RFX2: variants seen among roughly 807,000 people sequenced by gnomAD.
The protein encoded by RFX2 is DNA-binding protein RFX2.
RFX2 carries 20 observed loss-of-function variants against 87.8 expected under a neutral mutation model. The ratio of observed to expected loss-of-function variants is 0.23; its 90% CI spans 0.16 to 0.33. The LOEUF (loss-of-function observed/expected upper bound fraction) is 0.33, where lower values mean the gene tolerates loss of function less well. Ranked by LOEUF, RFX2 falls within the 10% of genes least tolerant of loss-of-function variation. The pLI is 1.00. For missense variants in RFX2, 767 were observed against 1,012.3 expected (o/e 0.76, Z 3.29); for synonymous variants, 397 against 431.3 (o/e 0.92, Z 0.98).
Position 6,022,634 on chromosome 19 carries a change from C to T in RFX2, c.597+3529G>A, listed in dbSNP as rs114791693. Among the ~76,000 whole-genome samples the T allele has an allele frequency of 3.9e-3, 601 of 152,348 alleles. 10 individuals are homozygous for T. The highest frequency in any genetic ancestry group is 0.025 in the Admixed American group (382 of 15,304). ...CATGTTTCATCCCCAGCCCCGGCTCCGTCCCCTTCCCTCTGGAAGAGCTAA... is the reference window on the plus strand; with the variant it reads ...CATGTTTCATCCCCAGCCCCGGCTCTGTCCCCTTCCCTCTGGAAGAGCTAA... On this transcript the variant is annotated intron_variant, in intron 6 of 17. Transcript: ENST00000303657. The surrounding 1 kb of genome is among the most constrained non-coding windows in gnomAD (Gnocchi z 6.2).
At position 6,101,827 on chromosome 19, in the gene RFX2, A is replaced by C. The variant is rs1163307438; in HGVS notation, c.-9+8566T>G. On this transcript the variant is annotated intron_variant, in intron 1 of 17. Transcript: ENST00000303657. The surrounding 1 kb of genome is among the most constrained non-coding windows in gnomAD (Gnocchi z 4.9). ...TGTCCAGGTTCTCCCTCTACCTAAG[A>C]GTCCCTTTGAGATCTCTGCTTAGCA... is the stretch of plus-strand genomic sequence containing the variant. Among the ~76,000 whole-genome samples, 1 of 152,164 alleles carries C rather than the reference A, an allele frequency of 6.6e-6. No homozygotes were observed. The highest frequency in any genetic ancestry group is 1.5e-5 in the Non-Finnish European group (1 of 68,046).
rs1599835898 is a variant in RFX2 at position 5,999,249 on chromosome 19, T to C, written c.1860-2036A>G. On this transcript the variant is annotated intron_variant, in intron 15 of 17. Transcript: ENST00000303657. The surrounding 1 kb of genome is among the most constrained non-coding windows in gnomAD (Gnocchi z 4.1). ...CCAGCCTGGTGACAGAGCGAGACTCTGTCTCAAAAAACAAGCAAACAAGAG... is the reference window on the plus strand; with the variant it reads ...CCAGCCTGGTGACAGAGCGAGACTCCGTCTCAAAAAACAAGCAAACAAGAG... Among the ~76,000 whole-genome samples, 2 of 152,250 alleles carry C rather than the reference T, an allele frequency of 1.3e-5. No individual in the cohort carries two copies. Among genetic ancestry groups the C allele is most frequent in the South Asian group, 2.1e-4 (1 of 4,818 alleles).
At position 6,010,003 on chromosome 19, in the gene RFX2, T is replaced by C; in HGVS notation, c.1015+133A>G. 1.9e-6 allele frequency: 1 copy of C among 517,550 alleles called. No homozygotes were observed. The highest frequency in any genetic ancestry group is 3.4e-6 in the Non-Finnish European group (1 of 292,372). The allele number at this position is 517,550 out of a possible 1,614,324, so 32.1% of individuals were successfully genotyped here. A position where few individuals can be genotyped will look rare whatever the true frequency, so the allele number is the denominator to read the frequency against. On this transcript the variant is annotated intron_variant, in intron 9 of 17. Coordinates refer to ENST00000303657, the MANE Select transcript of RFX2 (RefSeq NM_000635.4). This position sits in a 1 kb window ranked among gnomAD's most constrained non-coding sequence, Gnocchi z 5.0. The stretch of plus-strand genomic sequence containing the variant: ...GAAGGTTTATCGAAAACTTTCTATT[T>C]GTCCGAAAAGGTGTCTCGTAAGAAA...
intron 5 of RFX2, among the ~76,000 whole-genome samples, chr19:6,037,289 G>GAAA (rs57278741): frequency 3.9e-5 from 4 of 102,412 alleles, no homozygotes; most frequent in Non-Finnish European, 4.2e-5. Flanking sequence ...GTCTCAAAAA[G>GAAA]AAAAAAAAAA....
intron 1 of RFX2, among the ~76,000 whole-genome samples, chr19:6,105,917 G>C (rs1052082647): frequency 1.3e-5 from 2 of 152,114 alleles, no homozygotes; most frequent in African/African-American, 4.8e-5. Context: ...TAAGTTTAAG[G>C]TGCCTGTCAG....
At chr19:6,065,064 T>A (rs2087490472) in intron 1 of RFX2, among the ~76,000 whole-genome samples, 1 of 152,226 alleles carries the variant, frequency 6.6e-6, no homozygotes, top group Non-Finnish European at 1.5e-5. Context: ...AAAAAAATTT[T>A]AAATGAGGCT....
rs527274464 is a variant in RFX2, at chr19:6,087,216, T to C, written c.-9+23177A>G. ...GATAGACAGGGCGACAGGCATAACC[T>C]TCACAGGGGCGAAGCGAGACGCACA... is the stretch of plus-strand genomic sequence containing the variant. On this transcript the variant is annotated intron_variant, in intron 1 of 17. Coordinates refer to ENST00000303657, the MANE Select transcript of RFX2 (RefSeq NM_000635.4). Among the ~76,000 whole-genome samples, 23 of 152,216 alleles carry C rather than the reference T, an allele frequency of 1.5e-4. No individual in the cohort carries two copies. In the East Asian group the frequency reaches 4.4e-3, roughly 29 times the overall value.
In RFX2 at chr19:6,004,140, G is replaced by A. The variant is rs1017789372; in HGVS notation, c.1500+61C>T. Reference sequence around the variant, plus strand: ...TCTGGGACACAGTGGTCCTCATGCTGTCCTGGACTGGAGCCCCTCCCAGCC... The same window carrying A: ...TCTGGGACACAGTGGTCCTCATGCTATCCTGGACTGGAGCCCCTCCCAGCC... On this transcript the variant is annotated intron_variant, in intron 13 of 17. Coordinates refer to ENST00000303657, the MANE Select transcript of RFX2 (RefSeq NM_000635.4). The surrounding 1 kb of genome is among the most constrained non-coding windows in gnomAD (Gnocchi z 4.8). 6 of 1,258,622 alleles carry A rather than the reference G, an allele frequency of 4.8e-6. No individual in the cohort carries two copies. Among genetic ancestry groups the A allele is most frequent in the Admixed American group, 1.7e-5 (1 of 59,466 alleles). The allele number at this position is 1,258,622 out of a possible 1,614,324, so 78.0% of individuals were successfully genotyped here.
chr19:5,996,106 T>G (rs2086402700), intron 16 of RFX2, among the ~76,000 whole-genome samples: 1 of 152,226 alleles, frequency 6.6e-6, no homozygotes, highest in Admixed American at 6.5e-5. Context: ...CCACCGACTC[T>G]TAGAGTGCTG....
chr19:5,996,326 C>T (rs1368425304), intron 16 of RFX2, among the ~76,000 whole-genome samples: 4 of 40,658 alleles, frequency 9.8e-5, no homozygotes, highest in Non-Finnish European at 2.0e-4. Context: ...CCGTGCAGCA[C>T]GGAGGGACGA....
chr19:6,059,166 A>G (rs146774257), intron 1 of RFX2, among the ~76,000 whole-genome samples: 39 of 152,148 alleles, frequency 2.6e-4, no homozygotes, highest in African/African-American at 9.4e-4. Context: ...TTTTGTAGAG[A>G]CAGGGGTCTT....
At chr19:5,995,767 G>T in intron 16 of RFX2, 124 bp from the exon 17 acceptor site, 1 of 850,702 alleles carries the variant, frequency 1.2e-6, no homozygotes, top group Non-Finnish European at 1.9e-6. Context: ...AAGCAGCTGG[G>T]GCCTGCCCTG....
At chr19:6,062,667 A>G (rs2087452902) in intron 1 of RFX2, among the ~76,000 whole-genome samples, 1 of 152,208 alleles carries the variant, frequency 6.6e-6, no homozygotes, top group African/African-American at 2.4e-5. Flanking sequence ...AGTTGATGCT[A>G]TTGGAGCTAT....
At position 6,064,073 on chromosome 19, in the gene RFX2, C is replaced by A. The variant is rs1293508088; in HGVS notation, c.-8-16569G>T. On this transcript the variant is annotated intron_variant, in intron 1 of 17. Coordinates refer to ENST00000303657, the MANE Select transcript of RFX2 (RefSeq NM_000635.4). The surrounding 1 kb of genome is among the most constrained non-coding windows in gnomAD (Gnocchi z 4.8). ...AAAGTCTGGATCTATGTCATCTCAG[C>A]AGCCCCCTCACAGATCCCTCACCCC... Among the ~76,000 whole-genome samples, 4 of 152,240 alleles carry A rather than the reference C, an allele frequency of 2.6e-5. No individual in the cohort carries two copies. Among genetic ancestry groups the A allele is most frequent in the Non-Finnish European group, 4.4e-5 (3 of 68,050 alleles).
intron 12 of RFX2, among the ~76,000 whole-genome samples, chr19:6,006,593 G>A (rs2086585323): frequency 6.6e-6 from 1 of 151,520 alleles, no homozygotes. Flanking sequence ...GGGACTACAG[G>A]CGTGTGCCAC....
At chr19:6,075,717 C>T (rs979414714) in intron 1 of RFX2, among the ~76,000 whole-genome samples, 1 of 152,150 alleles carries the variant, frequency 6.6e-6, no homozygotes, top group Non-Finnish European at 1.5e-5. Flanking sequence ...ACAGAAGCCT[C>T]AGATGCCCAT....
At position 6,044,284 on chromosome 19, in the gene RFX2, TA is replaced by T; in HGVS notation, c.91-3del. On this transcript the variant is annotated splice_polypyrimidine_tract_variant and splice_region_variant and intron_variant, in intron 2 of 17. Transcript: ENST00000303657. This position sits in a 1 kb window ranked among gnomAD's most constrained non-coding sequence, Gnocchi z 5.3. ...GCTGGCTGCCTGGACCAACACCCTC[TA>T]AAAGGGAAGGGAGAGAAGGCCAGTT... is the stretch of plus-strand genomic sequence containing the variant. 1 of 1,536,718 alleles carries T rather than the reference TA, an allele frequency of 6.5e-7. No homozygotes were observed. Among genetic ancestry groups the T allele is most frequent in the African/African-American group, 1.4e-5 (1 of 72,544 alleles).
At chr19:6,097,401 G>A (rs1482173490) in intron 1 of RFX2, among the ~76,000 whole-genome samples, 4 of 152,202 alleles carry the variant, frequency 2.6e-5, no homozygotes, top group Admixed American at 2.0e-4. Flanking sequence ...GGAGTTTAGC[G>A]GCAGGAAAGA....
chr19:6,008,375 C>CTTT, intron 9 of RFX2, 151 bp from the exon 10 acceptor site: 36 of 399,142 alleles, frequency 9.0e-5, no homozygotes, highest in South Asian at 4.1e-4. Context: ...TTTTCTTTTT[C>CTTT]TTTTTTTTTT....
Sources: allele counts gnomAD v4.1 joint callset (sites outside exome capture counted in the v4.1 genomes callset), GRCh38; gene constraint gnomAD v4.1.1; non-coding constraint Gnocchi (gnomAD v3.1); transcripts MANE v1.5; gene names NCBI Gene and HGNC (gene_info 2026-07-23, HGNC 2026-07-21).